RTTN: variants seen among roughly 807,000 people sequenced by gnomAD.
RTTN encodes rotatin.
RTTN carries 182 observed loss-of-function variants against 269.2 expected under a neutral mutation model. The ratio of observed to expected loss-of-function variants is 0.68; its 90% CI spans 0.60 to 0.76. The LOEUF (loss-of-function observed/expected upper bound fraction) is 0.76, where lower values mean the gene tolerates loss of function less well. Ranked by LOEUF, RTTN falls within the 30% of genes least tolerant of loss-of-function variation. The pLI is 0.00. For synonymous variants in RTTN, 1,006 were observed against 963.5 expected, an observed-to-expected ratio of 1.04 and a Z score of -0.82; for missense variants, 2,545 against 2,608.6, an observed-to-expected ratio of 0.98 and a Z score of 0.53.
chr18:70,078,888 C>T (rs4891806), intron 32 of RTTN, among the ~76,000 whole-genome samples: 125,516 of 152,028 alleles, frequency 0.83, 55,179 homozygotes, highest in East Asian at 1. Flanking sequence ...CCATGTCTTA[C>T]TCATCTCAAA....
At position 70,108,149 on chromosome 18, in the gene RTTN, C is replaced by T. The variant is rs12386113; in HGVS notation, c.3903+1349G>A. On this transcript the variant is annotated intron_variant, in intron 28 of 48. Transcript: ENST00000640769. ...AAAATTAGCTGTGCGTGGTGGCAGG[C>T]GCCTGTAATCCCAGCTACTTGGGAG... Among the ~76,000 whole-genome samples the T allele has an allele frequency of 6.1e-3, 932 of 152,076 alleles. 10 individuals are homozygous for T. The highest frequency in any genetic ancestry group is 0.021 in the African/African-American group (877 of 41,500).
chr18:70,029,254 T>C (rs919157294), intron 42 of RTTN, among the ~76,000 whole-genome samples: 28 of 152,140 alleles, frequency 1.8e-4, no homozygotes, highest in Non-Finnish European at 3.4e-4. Context: ...GTTTCTTAAA[T>C]GCAGTAGAAA....
Position 70,075,273 on chromosome 18 carries a change from T to TA in RTTN, c.4564+78dup, listed in dbSNP as rs537167473. 6.5e-4 allele frequency: 677 copies of TA among 1,046,586 alleles called. 6 individuals carry two copies. The Middle Eastern group carries it at 7.5e-3, about 12-fold the overall frequency. The allele number at this position is 1,046,586 out of a possible 1,614,324, so 64.8% of individuals were successfully genotyped here. A position where few individuals can be genotyped will look rare whatever the true frequency, so the allele number is the denominator to read the frequency against. On this transcript the variant is annotated intron_variant, in intron 33 of 48. Transcript: ENST00000640769. ...TGTATACTTTCATTTTTCAAATTTTTAAAACAAATATATGTATTTTTAACA... is the reference window on the plus strand; with the variant it reads ...TGTATACTTTCATTTTTCAAATTTTTAAAAACAAATATATGTATTTTTAACA...
At chr18:70,173,293 G>C (rs747976334) in intron 11 of RTTN, among the ~76,000 whole-genome samples, 5 of 151,982 alleles carry the variant, frequency 3.3e-5, no homozygotes, top group Admixed American at 2.0e-4. Context: ...AAGAGATCGA[G>C]ACCATCCTGG....
chr18:70,122,945 C>A (rs8099608), intron 25 of RTTN, among the ~76,000 whole-genome samples: 11 of 151,952 alleles, frequency 7.2e-5, no homozygotes, highest in Admixed American at 2.0e-4. Context: ...CTCATATCCC[C>A]TAAATCTAAG....
intron 7 of RTTN, among the ~76,000 whole-genome samples, chr18:70,195,565 G>A (rs2061785349): frequency 6.6e-6 from 1 of 152,142 alleles, no homozygotes. Flanking sequence ...AAGCAAACTT[G>A]ATTGTTTATC....
chr18:70,040,398 T>C (rs1003280210), intron 40 of RTTN, among the ~76,000 whole-genome samples: 1 of 152,080 alleles, frequency 6.6e-6, no homozygotes, highest in Admixed American at 6.5e-5. Context: ...ATAATGATAA[T>C]GCAGTCAATG....
At chr18:70,159,771 C>T (rs574991173) in intron 14 of RTTN, among the ~76,000 whole-genome samples, 9 of 152,086 alleles carry the variant, frequency 5.9e-5, no homozygotes, top group African/African-American at 2.2e-4. Flanking sequence ...CACAGAAAGA[C>T]CCTCAGAGAC....
chr18:70,126,073 T>C (rs971859589), intron 25 of RTTN, among the ~76,000 whole-genome samples: 2 of 151,998 alleles, frequency 1.3e-5, no homozygotes, highest in African/African-American at 4.8e-5. Context: ...ATATACACAG[T>C]CTATACTCTC....
At chr18:70,027,233 A>G (rs1443213300) in intron 43 of RTTN, among the ~76,000 whole-genome samples, 1 of 152,168 alleles carries the variant, frequency 6.6e-6, no homozygotes, top group East Asian at 1.9e-4. Flanking sequence ...GCATATGCAA[A>G]CAGCAGGGTG....
chr18:70,119,245 A>T (rs1335490629), intron 26 of RTTN, among the ~76,000 whole-genome samples: 1 of 152,120 alleles, frequency 6.6e-6, no homozygotes, highest in Non-Finnish European at 1.5e-5. Context: ...AGGATACAAA[A>T]TCAACTTATA....
At chr18:70,041,035 C>G (rs767243817) in intron 40 of RTTN, among the ~76,000 whole-genome samples, 2 of 151,804 alleles carry the variant, frequency 1.3e-5, no homozygotes, top group South Asian at 4.2e-4. Flanking sequence ...GTTTGGCCAA[C>G]AAACATGCGA....
chr18:70,135,114 C>T (rs2060092734), intron 22 of RTTN, 70 bp downstream of exon 22: 3 of 853,764 alleles, frequency 3.5e-6, no homozygotes, highest in South Asian at 1.6e-5. Flanking sequence ...CCATGCCTTG[C>T]TATAAGATTA....
intron 35 of RTTN, among the ~76,000 whole-genome samples, chr18:70,062,833 C>T (rs2058029849): frequency 6.6e-6 from 1 of 152,118 alleles, no homozygotes; most frequent in South Asian, 2.1e-4. Flanking sequence ...GTATCTCCCA[C>T]CTCAGCCTCC....
At chr18:70,188,266 T>A in intron 9 of RTTN, 43 bp from the exon 10 acceptor site, 1 of 1,076,042 alleles carries the variant, frequency 9.3e-7, no homozygotes, top group Non-Finnish European at 1.4e-6. Context: ...AGAAGTTACT[T>A]AACTTTAAAA....
At chr18:70,118,437 T>G (rs1008729205) in intron 26 of RTTN, among the ~76,000 whole-genome samples, 1 of 151,900 alleles carries the variant, frequency 6.6e-6, no homozygotes, top group Admixed American at 6.6e-5. Context: ...GGAGATTAAA[T>G]CAGTAATGCA....
At chr18:70,198,376 T>A (rs973901299) in intron 5 of RTTN, among the ~76,000 whole-genome samples, 4 of 152,176 alleles carry the variant, frequency 2.6e-5, no homozygotes, top group African/African-American at 4.8e-5. Context: ...TGGGACTGAC[T>A]CAAAACTGAG....
At chr18:70,073,431 A>G (rs1194644878) in intron 34 of RTTN, among the ~76,000 whole-genome samples, 1 of 152,208 alleles carries the variant, frequency 6.6e-6, no homozygotes, top group African/African-American at 2.4e-5. Flanking sequence ...AATCATTTGA[A>G]TGTTCTTCAT....
intron 23 of RTTN, chr18:70,129,209 T>TTTAA (rs1175928782): frequency 1.3e-5 from 2 of 152,052 alleles, no homozygotes; most frequent in Non-Finnish European, 2.9e-5. Flanking sequence ...AAGTTTTTCC[T>TTTAA]TTAACATGGT....
Sources: allele counts gnomAD v4.1 joint callset (sites outside exome capture counted in the v4.1 genomes callset), GRCh38; gene constraint gnomAD v4.1.1; transcripts MANE v1.5; gene names NCBI Gene and HGNC (gene_info 2026-07-23, HGNC 2026-07-21).